The following GRIP1 variants were observed in gnomAD, a reference collection of about 807,000 sequenced individuals.
GRIP1 encodes glutamate receptor interacting protein 1.
A neutral mutation model predicts 129.9 loss-of-function variants in GRIP1; 45 were observed. The ratio of observed to expected loss-of-function variants is 0.35; its 90% CI spans 0.27 to 0.44. The LOEUF (loss-of-function observed/expected upper bound fraction) is 0.44, where lower values mean the gene tolerates loss of function less well. GRIP1 is among the 20% of genes least tolerant of loss of function. GRIP1 has a pLI of 1.00. For synonymous variants in GRIP1, 530 were observed against 520.8 expected (o/e 1.02, Z -0.24); for missense variants, 1,196 against 1,396.8 (o/e 0.86, Z 2.29).
intron 1 of GRIP1, among the ~76,000 whole-genome samples, chr12:66,901,059 G>C (rs975007985): frequency 2.0e-5 from 3 of 152,100 alleles, no homozygotes; most frequent in Admixed American, 2.0e-4. Context: ...TCAGCTGCAT[G>C]GAAATTTATC....
chr12:66,690,371 TACACAC>T (rs112206335), intron 1 of GRIP1, among the ~76,000 whole-genome samples: 2 of 147,792 alleles, frequency 1.4e-5, no homozygotes, highest in Non-Finnish European at 3.0e-5. Context: ...TCAATAATAT[TACACAC>T]ACACACACAC....
intron 2 of GRIP1, among the ~76,000 whole-genome samples, chr12:66,552,848 T>C (rs1592537393): frequency 1.3e-5 from 2 of 152,164 alleles, no homozygotes; most frequent in Non-Finnish European, 2.9e-5. Context: ...ACTAATAGTG[T>C]AGTCACTGCA....
intron 1 of GRIP1, among the ~76,000 whole-genome samples, chr12:66,674,844 AGG>A (rs2034250219): frequency 1.3e-5 from 2 of 151,780 alleles, no homozygotes; most frequent in African/African-American, 2.4e-5. Context: ...ACAGCAGAAA[AGG>A]AGAAAAGATA....
At chr12:66,531,250 AAAATATATATATATATATATATAT>A (rs1555201874) in intron 4 of GRIP1, among the ~76,000 whole-genome samples, 5 of 35,122 alleles carry the variant, frequency 1.4e-4, no homozygotes, top group South Asian at 1.8e-3. Flanking sequence ...AAAAAAAAAA[AAAATATATATATATATATATATAT>A]ATATATATAT....
chr12:66,589,927 A>C (rs1006976398), intron 2 of GRIP1, among the ~76,000 whole-genome samples: 4 of 152,156 alleles, frequency 2.6e-5, no homozygotes, highest in Non-Finnish European at 2.9e-5. Context: ...TCTTTTACCC[A>C]ATTTAATTTT....
At chr12:66,845,459 C>T (rs1387659034) in intron 1 of GRIP1, among the ~76,000 whole-genome samples, 1 of 152,100 alleles carries the variant, frequency 6.6e-6, no homozygotes, top group African/African-American at 2.4e-5. Context: ...TCCTCTGTCT[C>T]AAACAAAACA....
intron 1 of GRIP1, among the ~76,000 whole-genome samples, chr12:66,735,654 C>T (rs2036571178): frequency 6.6e-6 from 1 of 151,934 alleles, no homozygotes; most frequent in Non-Finnish European, 1.5e-5. Context: ...GAGGAGAAAA[C>T]CTGAGAACAA....
At chr12:66,376,905 A>C in intron 22 of GRIP1, 112 bp downstream of exon 22, 1 of 807,354 alleles carries the variant, frequency 1.2e-6, no homozygotes, top group Non-Finnish European at 2.2e-6. Flanking sequence ...TGAGGGGTGG[A>C]GATGGGGATA....
intron 1 of GRIP1, among the ~76,000 whole-genome samples, chr12:66,878,957 A>G (rs1422391942): frequency 6.6e-6 from 1 of 151,926 alleles, no homozygotes; most frequent in Non-Finnish European, 1.5e-5. Flanking sequence ...AGAAACAGAG[A>G]CAATATGGAC....
At chr12:66,769,582 GA>G (rs1255752848) in intron 1 of GRIP1, among the ~76,000 whole-genome samples, 1 of 151,982 alleles carries the variant, frequency 6.6e-6, no homozygotes, top group Non-Finnish European at 1.5e-5. Context: ...ACCATTTTCA[GA>G]ACACATGTCT....
intron 7 of GRIP1, among the ~76,000 whole-genome samples, chr12:66,484,599 C>T (rs2059902220): frequency 6.6e-6 from 1 of 152,026 alleles, no homozygotes; most frequent in Non-Finnish European, 1.5e-5. Context: ...ACTGGATGTT[C>T]TCATTTATAT....
intron 1 of GRIP1, among the ~76,000 whole-genome samples, chr12:66,874,822 C>T (rs781447561): frequency 1.3e-5 from 2 of 151,956 alleles, no homozygotes; most frequent in African/African-American, 2.4e-5. Context: ...ATTACTGTTC[C>T]CCAGTGGGAA....
chr12:66,978,661 TTACTAGA>T (rs2042191336), intron 1 of GRIP1, among the ~76,000 whole-genome samples: 1 of 152,140 alleles, frequency 6.6e-6, no homozygotes, highest in Non-Finnish European at 1.5e-5. Context: ...ACATTAAAAG[TTACTAGA>T]TTTCAGCCAA....
In GRIP1 at chr12:66,671,927, T is replaced by C. The variant is rs187046284; in HGVS notation, c.55+6923A>G. Among the ~76,000 whole-genome samples the C allele has an allele frequency of 5.8e-3, 874 of 151,572 alleles. 4 individuals carry two copies. Among genetic ancestry groups the C allele is most frequent in the Non-Finnish European group, 0.01 (710 of 68,034 alleles). ...ATTCTTTAAAGACAATTCAGTATCA[T>C]GTATTAGACTGAAAACTGGGAAACA... On this transcript the variant is annotated intron_variant, in intron 1 of 24. Transcript: ENST00000359742.
chr12:66,828,820 A>G (rs913350387), intron 1 of GRIP1, among the ~76,000 whole-genome samples: 1 of 152,110 alleles, frequency 6.6e-6, no homozygotes, highest in Non-Finnish European at 1.5e-5. Context: ...GCTTGATGAG[A>G]ATCTCATTAA....
chr12:66,534,243 T>C (rs1024966375), intron 4 of GRIP1, among the ~76,000 whole-genome samples: 1 of 152,198 alleles, frequency 6.6e-6, no homozygotes, highest in Admixed American at 6.5e-5. Context: ...TCCATCAGCT[T>C]TATTGTATGA....
chr12:66,738,213 TTTTC>T (rs2036670773), intron 1 of GRIP1, among the ~76,000 whole-genome samples: 1 of 149,712 alleles, frequency 6.7e-6, no homozygotes, highest in Admixed American at 6.6e-5. Flanking sequence ...AGATTTCTCT[TTTTC>T]TTTTTTTTTT....
chr12:67,051,946 T>G (rs1279384212), intron 1 of GRIP1, among the ~76,000 whole-genome samples: 1 of 152,220 alleles, frequency 6.6e-6, no homozygotes, highest in Non-Finnish European at 1.5e-5. Flanking sequence ...ACAAAGCTAT[T>G]CATCAAATGA....
At chr12:66,421,189 G>A (rs2057790112) in intron 14 of GRIP1, among the ~76,000 whole-genome samples, 1 of 152,152 alleles carries the variant, frequency 6.6e-6, no homozygotes, top group Non-Finnish European at 1.5e-5. Flanking sequence ...CTGTTGATGG[G>A]AATATGCCAT....
Sources: gnomAD v4.1 joint callset for allele counts (sites outside exome capture counted in the v4.1 genomes callset) on GRCh38, gnomAD v4.1.1 for gene constraint, MANE v1.5 for transcripts, NCBI Gene and HGNC (gene_info 2026-07-23, HGNC 2026-07-21) for gene names.